The following PLET1 variants were observed in gnomAD, a reference collection of about 807,000 sequenced individuals.
PLET1 encodes placenta-expressed transcript 1 protein.
Under a neutral mutation model 18.5 loss-of-function variants are expected in PLET1, and 20 were observed. The ratio of observed to expected loss-of-function variants is 1.08; its 90% CI spans 0.76 to 1.57. The LOEUF (loss-of-function observed/expected upper bound fraction) is 1.57, where lower values mean the gene tolerates loss of function less well. Among genes scored for constraint, PLET1 ranks in the 40% most tolerant of loss-of-function variants. The pLI, the probability that PLET1 is intolerant of heterozygous loss-of-function variation, is 0.00. For synonymous variants in PLET1, 93 were observed against 93.8 expected, an observed-to-expected ratio of 0.99 and a Z score of 0.05; for missense variants, 256 against 246.4, an observed-to-expected ratio of 1.04 and a Z score of -0.26.
chr11:112,250,220 C>CTTTTTTTTTTTTTTTTTT (rs33963716), intron 3 of PLET1, among the ~76,000 whole-genome samples: 4 of 49,862 alleles, frequency 8.0e-5, no homozygotes, highest in African/African-American at 1.6e-4. Context: ...AGAAACAAAC[C>CTTTTTTTTTTTTTTTTTT]TTTTTTTTTT....
At chr11:112,254,485 ATG>A (rs1165391814) in intron 2 of PLET1, among the ~76,000 whole-genome samples, 3 of 114,074 alleles carry the variant, frequency 2.6e-5, no homozygotes, top group Non-Finnish European at 3.6e-5. Flanking sequence ...TGTGGTATGT[ATG>A]TGTGTGTGGC....
In PLET1 at chr11:112,255,445, AC is replaced by A; in HGVS notation, c.328del (p.Val110SerfsTer2). ...TYYVKDQYMT[V>X]LEAQWQAPEP... ...AGGAGCTTGCCACTGTGCCTCTAAG[AC>A]CGTCATGTATTGATCTTTCACGTAA... is the stretch of plus-strand genomic sequence containing the variant. On this transcript the variant is annotated frameshift_variant, in exon 2 of 4. Coordinates refer to ENST00000338832, the MANE Select transcript of PLET1 (RefSeq NM_001145024.1). LOFTEE classifies it high-confidence loss of function. 1 of 1,552,300 alleles carries A rather than the reference AC, an allele frequency of 6.4e-7. No homozygotes were observed. The highest frequency in any genetic ancestry group is 1.2e-5 in the South Asian group (1 of 84,068).
chr11:112,248,997 G>T (rs999332147), intron 3 of PLET1, 23 bp from the exon 4 acceptor site: 5 of 1,546,120 alleles, frequency 3.2e-6, no homozygotes, highest in Admixed American at 3.9e-5. Context: ...TTGAGGGTGC[G>T]GTTGGCACTG....
chr11:112,253,159 G>A (rs1282086664), intron 2 of PLET1, among the ~76,000 whole-genome samples: 1 of 152,080 alleles, frequency 6.6e-6, no homozygotes, highest in Non-Finnish European at 1.5e-5. Flanking sequence ...GTGATGAAGG[G>A]GAAGAAATTC....
intron 2 of PLET1, among the ~76,000 whole-genome samples, chr11:112,254,821 C>G (rs59021101): frequency 1.5e-5 from 2 of 133,282 alleles, no homozygotes; most frequent in African/African-American, 6.0e-5. Context: ...GTGTGTGTGG[C>G]ATGTGGGGTG....
rs766159412 is a variant in PLET1, at chr11:112,255,541, A to G, written c.233T>C (p.Leu78Ser). The G allele has an allele frequency of 3.9e-6, 6 of 1,551,568 alleles. No individual in the cohort carries two copies. The highest frequency in any genetic ancestry group is 1.2e-5 in the South Asian group (1 of 84,056). The change falls in exon 2 of 4, where the codon TTG becomes TCG. Residue 78 changes from leucine to serine, a missense_variant. By Grantham distance (145) the Leu-to-Ser change is moderately radical. Coordinates refer to ENST00000338832, the MANE Select transcript of PLET1 (RefSeq NM_001145024.1). ...DSVYAVVMKTLDENSDSAGLW... is the reference protein window; with the variant it reads ...DSVYAVVMKTSDENSDSAGLW... Reference sequence around the variant, plus strand: ...GCCCGCTGAGTCACTGTTCTCGTCCAAGGTTTTCATGACCACAGCATAGAC... The same window carrying G: ...GCCCGCTGAGTCACTGTTCTCGTCCGAGGTTTTCATGACCACAGCATAGAC...
chr11:112,255,525 G>A lies in PLET1; in HGVS notation c.249C>T (p.Asp83=), dbSNP rs776733150. ...CCGCTCTTTGCCAGAGGCCCGCTGA[G>A]TCACTGTTCTCGTCCAAGGTTTTCA... ...VVMKTLDENS[D]SAGLWQRADK... The change falls in exon 2 of 4, where the codon GAC becomes GAT. Residue 83 remains aspartate, a synonymous_variant. Transcript: ENST00000338832. 5 of 1,551,530 alleles carry A rather than the reference G, an allele frequency of 3.2e-6. No homozygotes were observed. The highest frequency in any genetic ancestry group is 1.7e-4 in the Middle Eastern group (1 of 5,988).
At chr11:112,254,537 A>ATG (rs57237248) in intron 2 of PLET1, among the ~76,000 whole-genome samples, 5 of 76,256 alleles carry the variant, frequency 6.6e-5, no homozygotes, top group Non-Finnish European at 1.0e-4. Flanking sequence ...TGTGTGTGGT[A>ATG]TGTGTGTGTG....
At position 112,248,477 on chromosome 11, in the gene PLET1, A is replaced by C; in HGVS notation, c.*322T>G. The C allele has an allele frequency of 2.4e-6, 1 of 415,796 alleles. No individual in the cohort carries two copies. Among genetic ancestry groups the C allele is most frequent in the Non-Finnish European group, 4.2e-6 (1 of 236,964 alleles). 25.8% of individuals were successfully genotyped at this position (415,796 alleles called of 1,614,324 possible). On this transcript the variant is annotated 3_prime_UTR_variant, in exon 4 of 4. Transcript: ENST00000338832. ...TTGCAGGGGAATCATTTGGCAGTGAACAAAAGTTGAGATTGGCTGTGGAAT... is the reference window on the plus strand; with the variant it reads ...TTGCAGGGGAATCATTTGGCAGTGACCAAAAGTTGAGATTGGCTGTGGAAT...
At chr11:112,250,222 T>C (rs903775194) in intron 3 of PLET1, among the ~76,000 whole-genome samples, 30 of 122,272 alleles carry the variant, frequency 2.5e-4, no homozygotes, top group African/African-American at 1.1e-3. Flanking sequence ...AAACAAACCT[T>C]TTTTTTTTTT....
At position 112,256,472 on chromosome 11, in the gene PLET1, G is replaced by T. The variant is rs1759435768; in HGVS notation, c.185-883C>A. ...GCAAGTCATTTCACCTCTGAGCCTC[G>T]GTTTCCTTATTGTTCATCATTCACT... On this transcript the variant is annotated intron_variant, in intron 1 of 3. Coordinates refer to ENST00000338832, the MANE Select transcript of PLET1 (RefSeq NM_001145024.1). Among the ~76,000 whole-genome samples the T allele has an allele frequency of 2.0e-5, 3 of 152,048 alleles. No homozygotes were observed. In the South Asian group the frequency reaches 6.2e-4, roughly 32 times the overall value.
intron 2 of PLET1, among the ~76,000 whole-genome samples, chr11:112,254,774 TACGC>T (rs1566829030): frequency 0.016 from 64 of 3,984 alleles, 1 homozygote; most frequent in African/African-American, 0.047. Flanking sequence ...CTGCGTGTGG[TACGC>T]ATCGTGTGTG....
At chr11:112,252,458 A>G in intron 2 of PLET1, 49 bp from the exon 3 acceptor site, 1 of 1,495,478 alleles carries the variant, frequency 6.7e-7, no homozygotes. Flanking sequence ...CTCATGCGGA[A>G]TTCACAAGTT....
At position 112,260,545 on chromosome 11, in the gene PLET1, A is replaced by C; in HGVS notation, c.45T>G (p.Phe15Leu). ...AAGAAAGCTGCAGACTGAGGCACAG[A>C]AACATCCCCAGTGGCTGCAGCAGCA... Reference protein sequence around the residue: ...HDMLLQPLGMFLCLSLQLSSA... With the variant: ...HDMLLQPLGMLLCLSLQLSSA... The change falls in exon 1 of 4, where the codon TTT becomes TTG. Residue 15 changes from phenylalanine to leucine, a missense_variant. Phe to Leu is a conservative substitution (Grantham distance 22). Coordinates refer to ENST00000338832, the MANE Select transcript of PLET1 (RefSeq NM_001145024.1). The C allele has an allele frequency of 6.4e-7, 1 of 1,551,734 alleles. No homozygotes were observed. The highest frequency in any genetic ancestry group is 1.2e-5 in the South Asian group (1 of 84,050).
chr11:112,260,116 TTTTA>T, intron 1 of PLET1: 2 of 329,450 alleles, frequency 6.1e-6, no homozygotes, highest in Non-Finnish European at 5.5e-6. Context: ...AAACTGCCCA[TTTTA>T]TTTAAGTCAG....
At chr11:112,260,302 CAT>C (rs1860273431) in intron 1 of PLET1, 102 bp downstream of exon 1, 3 of 1,153,150 alleles carry the variant, frequency 2.6e-6, no homozygotes, top group South Asian at 1.7e-5. Flanking sequence ...TCAGAAGACA[CAT>C]GTTTTGTATA....
In PLET1 at chr11:112,260,535, T is replaced by TGAG. The variant is rs1271072362; in HGVS notation, c.52_54dup (p.Leu18dup). On this transcript the variant is annotated inframe_insertion, in exon 1 of 4. Transcript: ENST00000338832. Reference sequence around the variant, plus strand: ...AAGGTGGCAGAAGAAAGCTGCAGACTGAGGCACAGAAACATCCCCAGTGGC... The same window carrying TGAG: ...AAGGTGGCAGAAGAAAGCTGCAGACTGAGGAGGCACAGAAACATCCCCAGTGGC... 6.4e-7 allele frequency: 1 copy of TGAG among 1,551,726 alleles called. No homozygotes were observed. Among genetic ancestry groups the TGAG allele is most frequent in the South Asian group, 1.2e-5 (1 of 84,064 alleles).
Position 112,252,448 on chromosome 11 carries a change from C to T in PLET1, c.387-39G>A, listed in dbSNP as rs762762000. ...ATCAATGAGAGATAATGCTGAGGAC[C>T]TCATGCGGAATTCACAAGTTCAGCT... On this transcript the variant is annotated intron_variant, in intron 2 of 3. Transcript: ENST00000338832. 92 of 1,521,164 alleles carry T rather than the reference C, an allele frequency of 6.0e-5. No homozygotes were observed. In the South Asian group the frequency reaches 1.0e-3, roughly 17 times the overall value. The allele number at this position is 1,521,164 out of a possible 1,614,324, so 94.2% of individuals were successfully genotyped here. A position where few individuals can be genotyped will look rare whatever the true frequency, so the allele number is the denominator to read the frequency against.
chr11:112,256,962 GTTC>G (rs1312357382), intron 1 of PLET1, among the ~76,000 whole-genome samples: 3 of 152,112 alleles, frequency 2.0e-5, no homozygotes, highest in Non-Finnish European at 2.9e-5. Flanking sequence ...CTGGCCTTAG[GTTC>G]TTCTCCTTCA....
Sources: gnomAD v4.1 joint callset for allele counts (sites outside exome capture counted in the v4.1 genomes callset) on GRCh38, gnomAD v4.1.1 for gene constraint, MANE v1.5 for transcripts, NCBI Gene and HGNC (gene_info 2026-07-23, HGNC 2026-07-21) for gene names.